The following GRM1 variants were observed in gnomAD, a reference collection of about 807,000 sequenced individuals.
The protein encoded by GRM1 is metabotropic glutamate receptor 1.
GRM1 carries 33 observed loss-of-function variants against 90.9 expected under a neutral mutation model. The ratio of observed to expected loss-of-function variants is 0.36; its 90% CI spans 0.28 to 0.49. The LOEUF (loss-of-function observed/expected upper bound fraction) is 0.49, where lower values mean the gene tolerates loss of function less well. Among genes scored for constraint, GRM1 ranks in the 20% least tolerant of loss-of-function variants. The probability of loss-of-function intolerance (pLI) is 0.99; values close to 1 mark genes in which losing one functional copy is unlikely to be tolerated. For synonymous variants in GRM1, 700 were observed against 613.2 expected, an observed-to-expected ratio of 1.14 and a Z score of -2.09; for missense variants, 1,190 against 1,534.3, an observed-to-expected ratio of 0.78 and a Z score of 3.75.
intron 7 of GRM1, among the ~76,000 whole-genome samples, chr6:146,425,892 G>A (rs569947269): frequency 2.5e-4 from 38 of 152,264 alleles, no homozygotes; most frequent in Non-Finnish European, 4.4e-4. Context: ...GTCATGTCTA[G>A]CTAGTTCTCT....
intron 2 of GRM1, among the ~76,000 whole-genome samples, chr6:146,200,823 A>G (rs1779274416): frequency 1.3e-5 from 2 of 152,152 alleles, no homozygotes; most frequent in Non-Finnish European, 2.9e-5. Context: ...AGAACTGGGT[A>G]GAAAAAGAAT....
intron 7 of GRM1, among the ~76,000 whole-genome samples, chr6:146,432,363 C>T (rs1266466809): frequency 6.6e-6 from 1 of 152,106 alleles, no homozygotes; most frequent in Admixed American, 6.5e-5. Flanking sequence ...ACTTATCTGG[C>T]TCACTTTACT....
In GRM1 at chr6:146,304,796, G is replaced by T; in HGVS notation, c.1136G>T (p.Arg379Leu). 1 of 1,613,880 alleles carries T rather than the reference G, an allele frequency of 6.2e-7. No homozygotes were observed. Among genetic ancestry groups the T allele is most frequent in the Non-Finnish European group, 8.5e-7 (1 of 1,179,882 alleles). ...PEFWQHRFQCRLPGHLLENPN... is the reference protein window; with the variant it reads ...PEFWQHRFQCLLPGHLLENPN... Reference sequence around the variant, plus strand: ...TTCTGGCAACATCGGTTCCAGTGCCGCCTTCCAGGACACCTTCTGGAAAAT... The same window carrying T: ...TTCTGGCAACATCGGTTCCAGTGCCTCCTTCCAGGACACCTTCTGGAAAAT... The change falls in exon 3 of 8, where the codon CGC (arginine) becomes CTC (leucine). Residue 379 changes from arginine (R) to leucine (L), a missense_variant. Around this residue, in one of 10 missense-constraint regions of GRM1, gnomAD observed 414 missense variants for 598.4 expected, o/e 0.69. Coordinates refer to ENST00000282753, the MANE Select transcript of GRM1 (RefSeq NM_001278064.2).
At chr6:146,314,752 G>C (rs991979384) in intron 3 of GRM1, among the ~76,000 whole-genome samples, 1 of 151,898 alleles carries the variant, frequency 6.6e-6, no homozygotes, top group East Asian at 1.9e-4. Flanking sequence ...TTTATTTGCA[G>C]ATGGCAGTTA....
chr6:146,352,074 G>A (rs1164330796), intron 3 of GRM1, among the ~76,000 whole-genome samples, 176 bp from the exon 4 acceptor site: 1 of 152,172 alleles, frequency 6.6e-6, no homozygotes, highest in African/African-American at 2.4e-5. Flanking sequence ...TCATTTGCAG[G>A]TGGAATCTGC....
intron 1 of GRM1, 144 bp from the exon 2 acceptor site, chr6:146,159,204 A>T: frequency 1.1e-6 from 1 of 916,502 alleles, no homozygotes; most frequent in Non-Finnish European, 1.8e-6. Context: ...ATCCATCCAG[A>T]TCTTCCGTCA....
chr6:146,348,491 C>A (rs1562628048), intron 3 of GRM1, among the ~76,000 whole-genome samples: 1 of 152,206 alleles, frequency 6.6e-6, no homozygotes, highest in Admixed American at 6.5e-5. Context: ...GACAGTAGGA[C>A]CCTCCTGGGT....
chr6:146,137,779 A>G (rs1004849559), intron 1 of GRM1, among the ~76,000 whole-genome samples: 1 of 152,178 alleles, frequency 6.6e-6, no homozygotes, highest in Admixed American at 6.5e-5. Context: ...AATTCTTTCA[A>G]TTCATAAACA....
intron 3 of GRM1, among the ~76,000 whole-genome samples, chr6:146,350,291 T>A (rs1785355668): frequency 6.6e-6 from 1 of 152,246 alleles, no homozygotes; most frequent in African/African-American, 2.4e-5. Flanking sequence ...ATAAGGCTTG[T>A]GTCTAACAGA....
At position 146,427,783 on chromosome 6, in the gene GRM1, C is replaced by G. The variant is rs1335534916; in HGVS notation, c.2661-6089C>G. 2.6e-5 allele frequency among the ~76,000 whole-genome samples: 4 copies of G among 152,314 alleles called. No individual in the cohort carries two copies. The East Asian group carries it at 7.7e-4, about 29-fold the overall frequency. On this transcript the variant is annotated intron_variant, in intron 7 of 7. Coordinates refer to ENST00000282753, the MANE Select transcript of GRM1 (RefSeq NM_001278064.2). ...ACTCTACTGTGGCTGGATGAATTCT[C>G]TGTAATTCTCCCAAGCTCAGAAGGC...
chr6:146,375,266 T>C (rs1355031338), intron 5 of GRM1, among the ~76,000 whole-genome samples: 1 of 152,062 alleles, frequency 6.6e-6, no homozygotes, highest in Non-Finnish European at 1.5e-5. Flanking sequence ...TTTTTGAATG[T>C]ATTAATACTT....
At chr6:146,116,948 T>C (rs1457887984) in intron 1 of GRM1, among the ~76,000 whole-genome samples, 1 of 151,990 alleles carries the variant, frequency 6.6e-6, no homozygotes, top group Admixed American at 6.5e-5. Context: ...ACTCCCATTT[T>C]TATTTCCAAT....
intron 1 of GRM1, among the ~76,000 whole-genome samples, chr6:146,132,306 G>T (rs182253577): frequency 5.3e-4 from 80 of 152,218 alleles, no homozygotes; most frequent in Admixed American, 5.2e-3. Flanking sequence ...CACATTGAAG[G>T]ATATGGCAAT....
At chr6:146,279,952 A>G (rs2114850800) in intron 2 of GRM1, among the ~76,000 whole-genome samples, 2 of 152,058 alleles carry the variant, frequency 1.3e-5, no homozygotes, top group Middle Eastern at 6.8e-3. Context: ...TGGTTTTCAG[A>G]AATGTGGTGG....
At chr6:146,147,672 C>T (rs542121517) in intron 1 of GRM1, among the ~76,000 whole-genome samples, 16 of 152,254 alleles carry the variant, frequency 1.1e-4, no homozygotes, top group Non-Finnish European at 8.8e-5. Context: ...AAAGAGAAGT[C>T]CTCTATGAGC....
At chr6:146,403,264 A>G (rs9497534) in intron 7 of GRM1, among the ~76,000 whole-genome samples, 2,393 of 152,266 alleles carry the variant, frequency 0.016, 78 homozygotes, top group African/African-American at 0.055. Context: ...ATCAGTGATT[A>G]CATGTCAATC....
At chr6:146,309,483 C>T (rs1014728735) in intron 3 of GRM1, among the ~76,000 whole-genome samples, 3 of 151,900 alleles carry the variant, frequency 2.0e-5, no homozygotes, top group African/African-American at 7.2e-5. Context: ...AAACTCTATG[C>T]ATTCTTTTCA....
chr6:146,312,818 G>T (rs914283695), intron 3 of GRM1, among the ~76,000 whole-genome samples: 1 of 152,172 alleles, frequency 6.6e-6, no homozygotes, highest in African/African-American at 2.4e-5. Flanking sequence ...TCACTCTTTG[G>T]TATGAGCCAA....
At chr6:146,297,799 G>C (rs894399952) in intron 2 of GRM1, among the ~76,000 whole-genome samples, 3 of 152,194 alleles carry the variant, frequency 2.0e-5, no homozygotes, top group African/African-American at 7.2e-5. Flanking sequence ...TGGCATCTCA[G>C]AATACAAGGG....
Sources: allele counts gnomAD v4.1 joint callset (sites outside exome capture counted in the v4.1 genomes callset), GRCh38; gene constraint gnomAD v4.1.1; regional missense constraint gnomAD v4.1.1; transcripts MANE v1.5; gene names NCBI Gene and HGNC (gene_info 2026-07-23, HGNC 2026-07-21).